ZBTB10: variants seen among roughly 807,000 people sequenced by gnomAD.
ZBTB10 encodes zinc finger and BTB domain-containing protein 10.
In ZBTB10, 32 loss-of-function variants were observed where a neutral mutation model predicts 76.4. That is an observed-to-expected ratio of 0.42 (90% confidence interval 0.32 to 0.56). ZBTB10 has a LOEUF of 0.56. ZBTB10 is among the 20% of genes least tolerant of loss of function. ZBTB10 has a pLI of 0.14. For missense variants in ZBTB10, 1,057 were observed against 1,098.5 expected, an observed-to-expected ratio of 0.96 and a Z score of 0.53; for synonymous variants, 523 against 432.9, an observed-to-expected ratio of 1.21 and a Z score of -2.58.
chr8:80,486,690 G>C lies in ZBTB10; in HGVS notation c.-121G>C, dbSNP rs555457523. On this transcript the variant is annotated 5_prime_UTR_variant, in exon 1 of 6. Coordinates refer to ENST00000455036, the MANE Select transcript of ZBTB10 (RefSeq NM_001105539.3). ...GGGCGAGAGGGCGAGGCCGAGCCCC[G>C]CGAGACCGGAACGCCGGGGGCGGGG... 2 of 993,728 alleles carry C rather than the reference G, an allele frequency of 2.0e-6. No individual in the cohort carries two copies. The highest frequency in any genetic ancestry group is 3.5e-5 in the African/African-American group (2 of 57,028). 61.6% of individuals were successfully genotyped at this position (993,728 alleles called of 1,614,324 possible).
At chr8:80,495,135 CTTT>C (rs368299745) in intron 1 of ZBTB10, among the ~76,000 whole-genome samples, 1 of 140,520 alleles carries the variant, frequency 7.1e-6, no homozygotes, top group Non-Finnish European at 1.5e-5. Context: ...CTCTCTCTCT[CTTT>C]TTTTTTTTTT....
intron 2 of ZBTB10, among the ~76,000 whole-genome samples, chr8:80,501,611 T>C (rs1387818739): frequency 6.6e-6 from 1 of 151,522 alleles, no homozygotes; most frequent in East Asian, 2.0e-4. Context: ...ATAGTAATCC[T>C]GTGAAATGTT....
chr8:80,499,906 C>A lies in ZBTB10; in HGVS notation c.1385C>A (p.Ala462Asp). 1 of 1,613,740 alleles carries A rather than the reference C, an allele frequency of 6.2e-7. No individual in the cohort carries two copies. Among genetic ancestry groups the A allele is most frequent in the Non-Finnish European group, 8.5e-7 (1 of 1,179,854 alleles). Reference sequence around the variant, plus strand: ...ACTTGCCGAAATTTCATTAAAGATGCCTTAAATATAAGCATTAAATCAGAA... The same window carrying A: ...ACTTGCCGAAATTTCATTAAAGATGACTTAAATATAAGCATTAAATCAGAA... Reference protein sequence around the residue: ...VQTCRNFIKDALNISIKSEAP... With the variant: ...VQTCRNFIKDDLNISIKSEAP... The change falls in exon 2 of 6, where the codon GCC becomes GAC. Residue 462 changes from alanine (A) to aspartate (D), a missense_variant. Physicochemically the swap from Ala to Asp is moderately radical, Grantham distance 126 (BLOSUM62 -2). Transcript: ENST00000455036.
At position 80,487,664 on chromosome 8, in the gene ZBTB10, T is replaced by A. The variant is rs1298430220; in HGVS notation, c.854T>A (p.Val285Glu). The change falls in exon 1 of 6, where the codon GTG becomes GAG. Residue 285 changes from valine (V) to glutamate (E), a missense_variant. Physicochemically the swap from Val to Glu is moderately radical, Grantham distance 121. Transcript: ENST00000455036. Reference sequence around the variant, plus strand: ...AAGACCCCTGCAGATGGGGGAAGCGTGGACCTTCCCCCAGTGGGGCATGAT... The same window carrying A: ...AAGACCCCTGCAGATGGGGGAAGCGAGGACCTTCCCCCAGTGGGGCATGAT... ...CQKTPADGGSVDLPPVGHDEL... is the reference protein window; with the variant it reads ...CQKTPADGGSEDLPPVGHDEL... The A allele has an allele frequency of 1.9e-6, 3 of 1,613,768 alleles. No individual in the cohort carries two copies. The highest frequency in any genetic ancestry group is 4.5e-5 in the East Asian group (2 of 44,888).
intron 1 of ZBTB10, among the ~76,000 whole-genome samples, chr8:80,493,201 G>A (rs1255633176): frequency 9.0e-6 from 1 of 110,640 alleles, no homozygotes; most frequent in African/African-American, 3.5e-5. Context: ...AAACGCGCGC[G>A]CGCGCGCACA....
chr8:80,491,404 A>C (rs889897001), intron 1 of ZBTB10, among the ~76,000 whole-genome samples: 2 of 152,204 alleles, frequency 1.3e-5, no homozygotes, highest in Non-Finnish European at 2.9e-5. Context: ...TGCATCTCTC[A>C]GATCATATCC....
intron 1 of ZBTB10, among the ~76,000 whole-genome samples, chr8:80,490,832 C>T (rs1815611231): frequency 6.6e-6 from 1 of 152,226 alleles, no homozygotes; most frequent in Non-Finnish European, 1.5e-5. Context: ...TCATGTACTG[C>T]ATGACGTTCT....
chr8:80,505,667 C>A (rs1390629410), intron 2 of ZBTB10, among the ~76,000 whole-genome samples: 1 of 152,036 alleles, frequency 6.6e-6, no homozygotes, highest in African/African-American at 2.4e-5. Flanking sequence ...AAAAAGCATA[C>A]AATTTGGTAC....
chr8:80,497,052 C>T (rs1815800755), intron 1 of ZBTB10, among the ~76,000 whole-genome samples: 1 of 152,148 alleles, frequency 6.6e-6, no homozygotes. Flanking sequence ...AAAATTTACT[C>T]AGTCTCAAAA....
intron 3 of ZBTB10, among the ~76,000 whole-genome samples, chr8:80,515,048 T>C (rs867803199): frequency 6.6e-6 from 1 of 152,282 alleles, no homozygotes; most frequent in East Asian, 1.9e-4. Context: ...GAACAAAAAA[T>C]GGCTAAAGAG....
At chr8:80,497,044 A>C (rs1329372279) in intron 1 of ZBTB10, among the ~76,000 whole-genome samples, 3 of 152,210 alleles carry the variant, frequency 2.0e-5, no homozygotes, top group Non-Finnish European at 4.4e-5. Context: ...AAATTAATAA[A>C]ATTTACTCAG....
chr8:80,506,137 T>G (rs1366955998), intron 2 of ZBTB10, among the ~76,000 whole-genome samples: 1 of 151,948 alleles, frequency 6.6e-6, no homozygotes, highest in Non-Finnish European at 1.5e-5. Context: ...AATGCTAGCC[T>G]TGAGTGTATC....
chr8:80,510,254 CT>C (rs1164942661), intron 2 of ZBTB10, among the ~76,000 whole-genome samples: 4 of 152,282 alleles, frequency 2.6e-5, no homozygotes, highest in African/African-American at 9.6e-5. Flanking sequence ...GAATATACTT[CT>C]GCACTCGTGT....
rs542401898 is a variant in ZBTB10, at chr8:80,508,220, T to G, written c.1862-5690T>G. Reference sequence around the variant, plus strand: ...TTTTGTGACTTCTTCCTGCTGAAGGTGTTAAGTTGTCTAAACCATATAAAT... The same window carrying G: ...TTTTGTGACTTCTTCCTGCTGAAGGGGTTAAGTTGTCTAAACCATATAAAT... On this transcript the variant is annotated intron_variant, in intron 2 of 5. Coordinates refer to ENST00000455036, the MANE Select transcript of ZBTB10 (RefSeq NM_001105539.3). Among the ~76,000 whole-genome samples the G allele has an allele frequency of 2.6e-5, 4 of 152,338 alleles. No individual in the cohort carries two copies. In the East Asian group the frequency reaches 7.7e-4, roughly 29 times the overall value.
rs1160891794 is a variant in ZBTB10 at position 80,504,859 on chromosome 8, A to G, written c.1861+4477A>G. On this transcript the variant is annotated intron_variant, in intron 2 of 5. Transcript: ENST00000455036. ...CTGAGATTAGAAATTGAATTACAGAAGTACAGATAACTAGTGCCTAAATTT... is the reference window on the plus strand; with the variant it reads ...CTGAGATTAGAAATTGAATTACAGAGGTACAGATAACTAGTGCCTAAATTT... Among the ~76,000 whole-genome samples the G allele has an allele frequency of 2.0e-5, 3 of 152,252 alleles. No individual in the cohort carries two copies. The East Asian group carries it at 5.8e-4, about 29-fold the overall frequency.
intron 3 of ZBTB10, among the ~76,000 whole-genome samples, chr8:80,517,101 G>A (rs1816342945): frequency 6.6e-6 from 1 of 152,158 alleles, no homozygotes; most frequent in Non-Finnish European, 1.5e-5. Context: ...GTAAAGCTTT[G>A]GAGGATATTG....
chr8:80,517,273 T>C (rs1327893394), intron 3 of ZBTB10, among the ~76,000 whole-genome samples: 1 of 152,190 alleles, frequency 6.6e-6, no homozygotes, highest in African/African-American at 2.4e-5. Flanking sequence ...TTTTGGTGGC[T>C]ACTGAAGACA....
At chr8:80,513,467 C>G (rs1021732448) in intron 2 of ZBTB10, among the ~76,000 whole-genome samples, 1 of 152,160 alleles carries the variant, frequency 6.6e-6, no homozygotes, top group African/African-American at 2.4e-5. Context: ...TAATTGGTCT[C>G]CACTTCTGAA....
chr8:80,494,385 C>G (rs544933453), intron 1 of ZBTB10, among the ~76,000 whole-genome samples: 4 of 152,172 alleles, frequency 2.6e-5, no homozygotes, highest in Non-Finnish European at 5.9e-5. Context: ...CCTCTACCCC[C>G]GCAAAAGTGT....
Sources: gnomAD v4.1 joint callset for allele counts (sites outside exome capture counted in the v4.1 genomes callset) on GRCh38, gnomAD v4.1.1 for gene constraint, MANE v1.5 for transcripts, NCBI Gene and HGNC (gene_info 2026-07-23, HGNC 2026-07-21) for gene names.